BCL2: variants seen among roughly 807,000 people sequenced by gnomAD.
BCL2 encodes the protein BCL2 apoptosis regulator.
In BCL2, 1 loss-of-function variant was observed where a neutral mutation model predicts 14.2. That is an observed-to-expected ratio of 0.07 (90% confidence interval 0.02 to 0.33). BCL2 has a LOEUF of 0.33. Ranked by LOEUF, BCL2 falls within the 10% of genes least tolerant of loss-of-function variation. The pLI, the probability that BCL2 is intolerant of heterozygous loss-of-function variation, is 0.99. For synonymous variants in BCL2, 151 were observed against 137.2 expected (o/e 1.10, Z -0.70); for missense variants, 247 against 305.9 (o/e 0.81, Z 1.44).
intron 2 of BCL2, among the ~76,000 whole-genome samples, chr18:63,261,576 A>G (rs949251811): frequency 2.0e-5 from 3 of 152,200 alleles, no homozygotes; most frequent in African/African-American, 4.8e-5. Flanking sequence ...GAATAGGAAA[A>G]AGGGAGAGCT....
Position 63,198,443 on chromosome 18 carries a change from C to T in BCL2, c.586-69684G>A, listed in dbSNP as rs553725518. On this transcript the variant is annotated intron_variant, in intron 2 of 2. Coordinates refer to ENST00000333681, the MANE Select transcript of BCL2 (RefSeq NM_000633.3). ...AGAGACACACACAGACACACACTGA[C>T]ACACAGACACAGAGACACACACAGA... 1.9e-4 allele frequency among the ~76,000 whole-genome samples: 29 copies of T among 150,370 alleles called. No homozygotes were observed. In the South Asian group the frequency reaches 4.7e-3, roughly 24 times the overall value.
At chr18:63,305,019 C>T (rs532227264) in intron 2 of BCL2, among the ~76,000 whole-genome samples, 5 of 152,260 alleles carry the variant, frequency 3.3e-5, no homozygotes, top group Non-Finnish European at 5.9e-5. Flanking sequence ...AGACCTCGCA[C>T]GTCAATCCTA....
chr18:63,213,816 G>A (rs1910121495), intron 2 of BCL2, among the ~76,000 whole-genome samples: 1 of 152,070 alleles, frequency 6.6e-6, no homozygotes, highest in Admixed American at 6.6e-5. Flanking sequence ...CTCAGAGCGG[G>A]CTGGTCAGAG....
chr18:63,183,997 C>A (rs1915536059), intron 2 of BCL2, among the ~76,000 whole-genome samples: 1 of 152,194 alleles, frequency 6.6e-6, no homozygotes, highest in South Asian at 2.1e-4. Context: ...CACAGTGGCA[C>A]AGACGCATGA....
At chr18:63,223,786 T>G (rs557090684) in intron 2 of BCL2, among the ~76,000 whole-genome samples, 70 of 152,348 alleles carry the variant, frequency 4.6e-4, no homozygotes, top group African/African-American at 1.6e-3. Context: ...CATTTTATTC[T>G]ACAGTGATGC....
intron 2 of BCL2, among the ~76,000 whole-genome samples, chr18:63,198,792 G>C (rs1358876484): frequency 9.5e-5 from 9 of 94,440 alleles, no homozygotes; most frequent in Non-Finnish European, 1.3e-4. Flanking sequence ...CAGAGACACA[G>C]ACACACACTG....
intron 2 of BCL2, among the ~76,000 whole-genome samples, chr18:63,280,025 C>T (rs976089304): frequency 6.6e-6 from 1 of 152,174 alleles, no homozygotes; most frequent in East Asian, 1.9e-4. Flanking sequence ...CTTTTACCTG[C>T]ATGATGGCTA....
At chr18:63,224,679 T>C (rs961560953) in intron 2 of BCL2, among the ~76,000 whole-genome samples, 4 of 151,272 alleles carry the variant, frequency 2.6e-5, no homozygotes, top group Non-Finnish European at 5.9e-5. Context: ...AATGAGAGAG[T>C]GTAAAGGGAG....
At chr18:63,252,933 G>A (rs1453132347) in intron 2 of BCL2, among the ~76,000 whole-genome samples, 2 of 152,170 alleles carry the variant, frequency 1.3e-5, no homozygotes, top group Non-Finnish European at 2.9e-5. Flanking sequence ...AGAAGGAAGA[G>A]CAAGCAAAAT....
In BCL2 at chr18:63,318,393, C is replaced by T; in HGVS notation, c.274G>A (p.Val92Met). The part of the protein sequence containing the change: ...AGPALSPVPP[V>M]VHLTLRQAGD... ...GCCTGGCGGAGGGTCAGGTGGACCA[C>T]AGGTGGCACCGGGCTGAGCGCAGGC... is the stretch of plus-strand genomic sequence containing the variant. Residue 92 changes from valine (V) to methionine (M), a missense_variant, in exon 2 of 3, where the codon GTG becomes ATG. Val to Met is a conservative substitution (Grantham distance 21, BLOSUM62 1). Coordinates refer to ENST00000333681, the MANE Select transcript of BCL2 (RefSeq NM_000633.3). This position sits in a 1 kb window ranked among gnomAD's most constrained non-coding sequence, Gnocchi z 7.4. 1 of 1,578,166 alleles carries T rather than the reference C, an allele frequency of 6.3e-7. No individual in the cohort carries two copies.
intron 2 of BCL2, among the ~76,000 whole-genome samples, chr18:63,264,063 C>A (rs545256682): frequency 2.0e-5 from 3 of 152,200 alleles, no homozygotes; most frequent in Non-Finnish European, 4.4e-5. Flanking sequence ...AGCCACCACG[C>A]CCAGCCTGCT....
chr18:63,139,788 G>A (rs1914307083), intron 2 of BCL2, among the ~76,000 whole-genome samples: 1 of 152,026 alleles, frequency 6.6e-6, no homozygotes, highest in Admixed American at 6.5e-5. Flanking sequence ...GCTTCCGAGG[G>A]CCCTGCCTGT....
In BCL2 at chr18:63,124,860, C is replaced by A. The variant is rs1199761078; in HGVS notation, c.*3765G>T. On this transcript the variant is annotated 3_prime_UTR_variant, in exon 3 of 3. Transcript: ENST00000333681. ...TATTTCGAGCCTTTCCTGTTTTTCT[C>A]TGATAGAGTAGGTGTACATTACTAA... 1.3e-5 allele frequency: 3 copies of A among 227,446 alleles called. No individual in the cohort carries two copies. The highest frequency in any genetic ancestry group is 2.6e-5 in the Non-Finnish European group (3 of 114,264). The allele number at this position is 227,446 out of a possible 1,614,324, so 14.1% of individuals were successfully genotyped here.
At chr18:63,299,502 G>A (rs1235736021) in intron 2 of BCL2, among the ~76,000 whole-genome samples, 1 of 152,158 alleles carries the variant, frequency 6.6e-6, no homozygotes, top group African/African-American at 2.4e-5. Flanking sequence ...ACTGCTACCA[G>A]CAGTATTTTC....
At chr18:63,140,673 ATGGGTACAGGGCTTCTTTT>A (rs550361363) in intron 2 of BCL2, among the ~76,000 whole-genome samples, 105 of 152,336 alleles carry the variant, frequency 6.9e-4, no homozygotes, top group African/African-American at 2.4e-3. Flanking sequence ...GTCATTGCTA[ATGGGTACAGGGCTTCTTTT>A]TGGAGTGATG....
At chr18:63,216,127 G>A (rs774741313) in intron 2 of BCL2, among the ~76,000 whole-genome samples, 2 of 151,950 alleles carry the variant, frequency 1.3e-5, no homozygotes. Flanking sequence ...TTGGTGGTGG[G>A]TTATGAGTGA....
intron 2 of BCL2, among the ~76,000 whole-genome samples, chr18:63,284,288 G>A (rs1001967436): frequency 2.6e-5 from 4 of 152,142 alleles, no homozygotes; most frequent in Admixed American, 6.5e-5. Context: ...GACTGGGAGC[G>A]CATCATCAAC....
At chr18:63,284,608 G>T (rs1316271092) in intron 2 of BCL2, among the ~76,000 whole-genome samples, 2 of 152,202 alleles carry the variant, frequency 1.3e-5, no homozygotes, top group African/African-American at 4.8e-5. Flanking sequence ...GCACTCGACA[G>T]GGTACTTTAA....
intron 2 of BCL2, among the ~76,000 whole-genome samples, chr18:63,276,312 C>T (rs1490637297): frequency 2.0e-5 from 3 of 151,922 alleles, no homozygotes; most frequent in Non-Finnish European, 4.4e-5. Flanking sequence ...TGTCTGCTGG[C>T]TTCTCATTAC....
Sources: allele counts gnomAD v4.1 joint callset (sites outside exome capture counted in the v4.1 genomes callset), GRCh38; gene constraint gnomAD v4.1.1; non-coding constraint Gnocchi (gnomAD v3.1); transcripts MANE v1.5; gene names NCBI Gene and HGNC (gene_info 2026-07-23, HGNC 2026-07-21).